Variants in CPLANE1 observed in about 807,000 individuals in gnomAD.
CPLANE1 encodes the protein ciliogenesis and planar polarity effector 1.
CPLANE1 carries 263 observed loss-of-function variants against 362.5 expected under a neutral mutation model. That is an observed-to-expected ratio of 0.73 (90% CI 0.66 to 0.80). The LOEUF is 0.80. Among genes scored for constraint, CPLANE1 ranks in the 30% least tolerant of loss-of-function variants. The pLI is 0.00. For synonymous variants in CPLANE1, 1,212 were observed against 1,302.6 expected, an observed-to-expected ratio of 0.93 and a Z score of 1.50; for missense variants, 3,461 against 3,793.4, an observed-to-expected ratio of 0.91 and a Z score of 2.30.
intron 50 of CPLANE1, among the ~76,000 whole-genome samples, chr5:37,115,477 A>C (rs1760658216): frequency 6.6e-6 from 1 of 152,194 alleles, no homozygotes; most frequent in Admixed American, 6.5e-5. Flanking sequence ...ATCTCTTATT[A>C]ATATAATCCT....
chr5:37,161,659 A>G (rs1038230912), intron 38 of CPLANE1, among the ~76,000 whole-genome samples: 3 of 152,216 alleles, frequency 2.0e-5, no homozygotes, highest in African/African-American at 7.2e-5. Flanking sequence ...GAAGATAGCC[A>G]TAATATCTGG....
chr5:37,233,188 G>A lies in CPLANE1; in HGVS notation c.939-2139C>T, dbSNP rs193219191. Among the ~76,000 whole-genome samples the A allele has an allele frequency of 3.5e-3, 526 of 152,270 alleles. 3 individuals carry two copies. Among genetic ancestry groups the A allele is most frequent in the African/African-American group, 0.012 (501 of 41,562 alleles). ...CACAGGCATCCAAGCCTAGAGCAGC[G>A]TCAGAAAGCCTAGATACCAGGGATC... On this transcript the variant is annotated intron_variant, in intron 8 of 52. Coordinates refer to ENST00000651892, the MANE Select transcript of CPLANE1 (RefSeq NM_001384732.1).
intron 21 of CPLANE1, among the ~76,000 whole-genome samples, chr5:37,195,509 A>G (rs993134055): frequency 1.3e-5 from 2 of 151,692 alleles, no homozygotes; most frequent in African/African-American, 4.8e-5. Context: ...GCTGAGGTGG[A>G]AGGATAGGTT....
At chr5:37,158,164 C>T in intron 39 of CPLANE1, 60 bp downstream of exon 39, 2 of 1,549,656 alleles carry the variant, frequency 1.3e-6, no homozygotes, top group Non-Finnish European at 1.8e-6. Flanking sequence ...ATAATGTCTA[C>T]ATGACCATAA....
chr5:37,097,232 T>G, the CPLANE1 span, among the ~76,000 whole-genome samples: 1 of 152,094 alleles, frequency 6.6e-6, no homozygotes, highest in Non-Finnish European at 1.5e-5. Flanking sequence ...TAAATATATG[T>G]GCATTTCATC....
intron 16 of CPLANE1, among the ~76,000 whole-genome samples, chr5:37,212,975 A>G (rs1237268059): frequency 6.6e-6 from 1 of 152,232 alleles, no homozygotes; most frequent in Non-Finnish European, 1.5e-5. Flanking sequence ...CAGGGAGGCC[A>G]AGGCAGGTGG....
In CPLANE1 at chr5:37,183,248, G is replaced by C; in HGVS notation, c.4933C>G (p.Gln1645Glu). The C allele has an allele frequency of 1.2e-6, 2 of 1,612,586 alleles. No individual in the cohort carries two copies. The highest frequency in any genetic ancestry group is 2.2e-5 in the South Asian group (2 of 90,750). ...ACCAGTACTGATGATGAAAGTTTCT[G>C]GTTTTCTAAATGCATGCCATATTCA... is the stretch of plus-strand genomic sequence containing the variant. ...NDEYGMHLEN[Q>E]KLSSSVLVNQ... is the part of the protein sequence containing the mutation. The change falls in exon 26 of 53, where the codon CAG becomes GAG. Residue 1645 changes from glutamine (Q) to glutamate (E), a missense_variant. Transcript: ENST00000651892.
At chr5:37,204,239 T>C (rs187659244) in intron 18 of CPLANE1, among the ~76,000 whole-genome samples, 328 of 152,328 alleles carry the variant, frequency 2.2e-3, no homozygotes, top group Admixed American at 3.4e-3. Flanking sequence ...CATTATAGGT[T>C]CTCTCAAAAC....
chr5:37,202,509 T>C (rs1179089923), intron 18 of CPLANE1, among the ~76,000 whole-genome samples: 1 of 152,144 alleles, frequency 6.6e-6, no homozygotes, highest in East Asian at 1.9e-4. Context: ...TTAATAAAAA[T>C]GACTTATGAA....
Position 37,224,513 on chromosome 5 carries a change from A to C in CPLANE1, c.2500+19T>G. ...TGTCATTTATTCATGGAGTTAGAAA[A>C]TATTCATAAGATACTGACCATTGAT... On this transcript the variant is annotated intron_variant, in intron 13 of 52. Transcript: ENST00000651892. 6.7e-7 allele frequency: 1 copy of C among 1,495,386 alleles called. No homozygotes were observed. The allele number at this position is 1,495,386 out of a possible 1,614,324, so 92.6% of individuals were successfully genotyped here.
Position 37,223,202 on chromosome 5 carries a change from T to G in CPLANE1, c.2581+1051A>C, listed in dbSNP as rs143910090. On this transcript the variant is annotated intron_variant, in intron 14 of 52. Transcript: ENST00000651892. ...ATGGTTTCTCAGGCCTTTTTGGTTT[T>G]GGAACACTATATACTCTGTTAAGTC... Among the ~76,000 whole-genome samples the G allele has an allele frequency of 3.8e-4, 58 of 152,314 alleles. No homozygotes were observed. The East Asian group carries it at 0.01, about 27-fold the overall frequency.
intron 17 of CPLANE1, 96 bp downstream of exon 17, chr5:37,206,101 A>G (rs1790645666): frequency 2.3e-6 from 2 of 856,944 alleles, no homozygotes; most frequent in Non-Finnish European, 3.7e-6. Context: ...ATGCTGAACT[A>G]AGGATTCCAC....
intron 12 of CPLANE1, among the ~76,000 whole-genome samples, chr5:37,225,534 T>C (rs948389659): frequency 3.3e-5 from 5 of 152,074 alleles, no homozygotes; most frequent in African/African-American, 1.2e-4. Flanking sequence ...CCCAGCCTAA[T>C]TTTTTAAAGA....
At chr5:37,155,077 A>T (rs1774689379) in intron 41 of CPLANE1, among the ~76,000 whole-genome samples, 1 of 152,216 alleles carries the variant, frequency 6.6e-6, no homozygotes, top group South Asian at 2.1e-4. Context: ...TGAAGCTTTC[A>T]CAATAAATAG....
At chr5:37,081,619 G>A in the CPLANE1 span, among the ~76,000 whole-genome samples, 2 of 151,948 alleles carry the variant, frequency 1.3e-5, no homozygotes, top group Non-Finnish European at 2.9e-5. Context: ...CACTGTGTCC[G>A]GCCTGAAAAT....
chr5:37,078,819 G>T, the CPLANE1 span, among the ~76,000 whole-genome samples: 8 of 152,076 alleles, frequency 5.3e-5, no homozygotes, highest in Admixed American at 1.3e-4. Flanking sequence ...GTGATGTTGA[G>T]CTTCTTTTCA....
chr5:37,222,887 G>A (rs1380131725), intron 14 of CPLANE1, among the ~76,000 whole-genome samples: 1 of 152,038 alleles, frequency 6.6e-6, no homozygotes, highest in East Asian at 1.9e-4. Context: ...TAAAACCCAC[G>A]CCCCTATGTC....
intron 51 of CPLANE1, among the ~76,000 whole-genome samples, chr5:37,112,484 T>C (rs1759638065): frequency 6.6e-6 from 1 of 152,198 alleles, no homozygotes; most frequent in Non-Finnish European, 1.5e-5. Context: ...GAAAGCTTTC[T>C]GAAGTGAAAG....
chr5:37,154,060 AT>A, intron 41 of CPLANE1, 67 bp from the exon 42 acceptor site: 2 of 1,379,012 alleles, frequency 1.5e-6, no homozygotes, highest in Non-Finnish European at 2.0e-6. Context: ...TGATGATCTC[AT>A]TTTTTGATGA....
Sources: allele counts gnomAD v4.1 joint callset (sites outside exome capture counted in the v4.1 genomes callset), GRCh38; gene constraint gnomAD v4.1.1; transcripts MANE v1.5; gene names NCBI Gene and HGNC (gene_info 2026-07-23, HGNC 2026-07-21).